HECW2: variants seen among roughly 807,000 people sequenced by gnomAD.
HECW2 encodes the protein E3 ubiquitin-protein ligase HECW2.
HECW2 carries 61 observed loss-of-function variants against 175.2 expected under a neutral mutation model. That is an observed-to-expected ratio of 0.35 (90% CI 0.28 to 0.43). HECW2 has a LOEUF of 0.43. HECW2 is among the 20% of genes least tolerant of loss of function. The probability of loss-of-function intolerance (pLI) is 1.00; values close to 1 mark genes in which losing one functional copy is unlikely to be tolerated. For synonymous variants in HECW2, 671 were observed against 731.0 expected, an observed-to-expected ratio of 0.92 and a Z score of 1.32; for missense variants, 1,524 against 2,000.5, an observed-to-expected ratio of 0.76 and a Z score of 4.54.
At chr2:196,468,051 T>C (rs1038333753) in intron 1 of HECW2, among the ~76,000 whole-genome samples, 1 of 152,194 alleles carries the variant, frequency 6.6e-6, no homozygotes, top group African/African-American at 2.4e-5. Flanking sequence ...TCTCACTCCG[T>C]TGCCCAGGCT....
At chr2:196,267,660 A>C (rs1284153377) in intron 17 of HECW2, among the ~76,000 whole-genome samples, 1 of 152,248 alleles carries the variant, frequency 6.6e-6, no homozygotes, top group African/African-American at 2.4e-5. Flanking sequence ...GGAAAACCAT[A>C]GCCACATAGA....
chr2:196,281,353 T>C (rs1385554734), intron 14 of HECW2, among the ~76,000 whole-genome samples: 1 of 152,086 alleles, frequency 6.6e-6, no homozygotes, highest in East Asian at 1.9e-4. Context: ...AAGCATGTTC[T>C]TGGGCCAGGC....
Position 196,463,949 on chromosome 2 carries a change from T to G in HECW2, c.-35-30491A>C, listed in dbSNP as rs192235759. 2.5e-3 allele frequency among the ~76,000 whole-genome samples: 378 copies of G among 152,244 alleles called. 1 individual carries two copies. Among genetic ancestry groups the G allele is most frequent in the Non-Finnish European group, 4.3e-3 (292 of 68,008 alleles). ...AAAGTAAGTACTATTTTGATCTACTTTCCCATTCTCCTTCCTCCACCTATG... is the reference window on the plus strand; with the variant it reads ...AAAGTAAGTACTATTTTGATCTACTGTCCCATTCTCCTTCCTCCACCTATG... On this transcript the variant is annotated intron_variant, in intron 1 of 28. Transcript: ENST00000644978.
chr2:196,375,029 G>C (rs1270589783), intron 2 of HECW2, among the ~76,000 whole-genome samples: 1 of 151,822 alleles, frequency 6.6e-6, no homozygotes, highest in Non-Finnish European at 1.5e-5. Context: ...AGTCGTGGTG[G>C]TGCGCACCTG....
chr2:196,527,252 C>A (rs142312791), intron 1 of HECW2, among the ~76,000 whole-genome samples: 1 of 152,216 alleles, frequency 6.6e-6, no homozygotes, highest in Non-Finnish European at 1.5e-5. Context: ...CAGGTGCGTC[C>A]GTCACCCCTT....
At chr2:196,414,493 G>A (rs979795734) in intron 2 of HECW2, among the ~76,000 whole-genome samples, 4 of 152,172 alleles carry the variant, frequency 2.6e-5, no homozygotes, top group Admixed American at 6.5e-5. Context: ...GATCTGGTGC[G>A]AACATTCTGT....
chr2:196,367,965 T>C (rs1031936157), intron 2 of HECW2, among the ~76,000 whole-genome samples: 5 of 151,986 alleles, frequency 3.3e-5, no homozygotes, highest in African/African-American at 4.8e-5. Context: ...ATATGATACA[T>C]ATATGAGATA....
intron 2 of HECW2, among the ~76,000 whole-genome samples, chr2:196,426,727 T>C (rs980470374): frequency 3.3e-5 from 5 of 152,098 alleles, no homozygotes; most frequent in African/African-American, 9.7e-5. Context: ...ACTTGGAACA[T>C]AGGACACTGA....
chr2:196,580,629 C>A (rs1690741476), intron 1 of HECW2, among the ~76,000 whole-genome samples: 1 of 146,812 alleles, frequency 6.8e-6, no homozygotes. Flanking sequence ...CTTAATGAAA[C>A]ACAACTTCAC....
rs10653412 is a variant in HECW2, at chr2:196,231,092, C to CAAAAAA, written c.3765-2844_3765-2839dup. On this transcript the variant is annotated intron_variant, in intron 21 of 28. Transcript: ENST00000644978. Reference sequence around the variant, plus strand: ...CTGGCGACAGAGCAGGACTCCGTCTCAAAAAAAAAAAAAAAAAAAAAAAAG... The same window carrying CAAAAAA: ...CTGGCGACAGAGCAGGACTCCGTCTCAAAAAAAAAAAAAAAAAAAAAAAAAAAAAAG... Among the ~76,000 whole-genome samples the CAAAAAA allele has an allele frequency of 1.6e-3, 87 of 55,238 alleles. 5 individuals carry two copies. Among genetic ancestry groups the CAAAAAA allele is most frequent in the East Asian group, 3.5e-3 (6 of 1,716 alleles). The allele number at this position is 55,238 out of a possible 152,430, so 36.2% of individuals were successfully genotyped here.
At chr2:196,405,936 A>G (rs1203128433) in intron 2 of HECW2, among the ~76,000 whole-genome samples, 1 of 152,100 alleles carries the variant, frequency 6.6e-6, no homozygotes, top group Non-Finnish European at 1.5e-5. Context: ...CTCTGTTCTT[A>G]CACTGCTTGA....
intron 1 of HECW2, among the ~76,000 whole-genome samples, chr2:196,513,070 A>G: frequency 6.6e-6 from 1 of 152,178 alleles, no homozygotes; most frequent in East Asian, 1.9e-4. Flanking sequence ...CCATTCCACT[A>G]TTCTTGTCCT....
intron 17 of HECW2, among the ~76,000 whole-genome samples, chr2:196,268,345 T>C (rs543403090): frequency 1.3e-5 from 2 of 152,296 alleles, no homozygotes; most frequent in East Asian, 1.9e-4. Context: ...TGCATAAAAA[T>C]AGATTACCAT....
intron 2 of HECW2, among the ~76,000 whole-genome samples, chr2:196,357,683 G>C (rs1266148524): frequency 1.3e-5 from 2 of 152,192 alleles, no homozygotes; most frequent in Non-Finnish European, 2.9e-5. Context: ...TGTCGAGGGA[G>C]GGAGGTCATT....
intron 1 of HECW2, among the ~76,000 whole-genome samples, chr2:196,530,596 C>T (rs1392664470): frequency 2.0e-5 from 3 of 152,182 alleles, no homozygotes; most frequent in African/African-American, 7.2e-5. Flanking sequence ...TTGGATAAAT[C>T]CTAAACTCCT....
Position 196,247,357 on chromosome 2 carries a change from G to C in HECW2, c.3530-5153C>G, listed in dbSNP as rs1688685058. Among the ~76,000 whole-genome samples the C allele has an allele frequency of 6.6e-5, 10 of 152,300 alleles. No individual in the cohort carries two copies. The South Asian group carries it at 1.9e-3, about 28-fold the overall frequency. ...TGCCAAGAAATTCCAGAGCAGGAAT[G>C]ATGTTACTTCCACTTTGGAAATACA... On this transcript the variant is annotated intron_variant, in intron 19 of 28. Transcript: ENST00000644978.
At chr2:196,283,767 C>T (rs1690278690) in intron 14 of HECW2, among the ~76,000 whole-genome samples, 1 of 152,148 alleles carries the variant, frequency 6.6e-6, no homozygotes, top group African/African-American at 2.4e-5. Flanking sequence ...GTGAAGTTTC[C>T]ACACTGCAGA....
intron 2 of HECW2, among the ~76,000 whole-genome samples, chr2:196,363,009 G>T (rs1693642010): frequency 2.0e-5 from 3 of 152,052 alleles, no homozygotes; most frequent in Admixed American, 1.3e-4. Flanking sequence ...CCTCTCTATT[G>T]TTCCCTTAAC....
At chr2:196,209,789 A>T (rs1292249136) in intron 28 of HECW2, among the ~76,000 whole-genome samples, 1 of 140,106 alleles carries the variant, frequency 7.1e-6, no homozygotes, top group Non-Finnish European at 1.5e-5. Flanking sequence ...TTTGAGACGG[A>T]GTCTGGCTCT....
Sources: gnomAD v4.1 joint callset for allele counts (sites outside exome capture counted in the v4.1 genomes callset) on GRCh38, gnomAD v4.1.1 for gene constraint, MANE v1.5 for transcripts, NCBI Gene and HGNC (gene_info 2026-07-23, HGNC 2026-07-21) for gene names.